The following KLHL1 variants were observed in gnomAD, a reference collection of about 807,000 sequenced individuals.
KLHL1 encodes kelch like family member 1.
KLHL1 carries 47 observed loss-of-function variants against 77.7 expected under a neutral mutation model. The observed-to-expected ratio is 0.60, with a 90% CI of 0.48 to 0.77. The LOEUF is 0.77. Ranked by LOEUF, KLHL1 falls within the 30% of genes least tolerant of loss-of-function variation. KLHL1 has a pLI of 0.00. For missense variants in KLHL1, 925 were observed against 910.8 expected (o/e 1.02, Z -0.20); for synonymous variants, 360 against 325.2 (o/e 1.11, Z -1.15).
intron 4 of KLHL1, among the ~76,000 whole-genome samples, chr13:69,892,371 G>C (rs1409431185): frequency 6.6e-6 from 1 of 152,100 alleles, no homozygotes; most frequent in Non-Finnish European, 1.5e-5. Flanking sequence ...TAATTTTTCT[G>C]AAATGATTTC....
At position 69,839,213 on chromosome 13, in the gene KLHL1, T is replaced by A. The variant is rs757244464; in HGVS notation, c.1228-51A>T. 7 of 1,260,050 alleles carry A rather than the reference T, an allele frequency of 5.6e-6. No homozygotes were observed. The South Asian group carries it at 1.1e-4, about 20-fold the overall frequency. 78.1% of individuals were successfully genotyped at this position (1,260,050 alleles called of 1,614,324 possible). On this transcript the variant is annotated intron_variant, in intron 5 of 10. Transcript: ENST00000377844. ...AATAATGTTTTCAAAGAGATGAACA[T>A]TATGTCATTCCTTAAAACTAGAAGT...
chr13:70,077,656 T>C (rs1887296640), intron 1 of KLHL1, among the ~76,000 whole-genome samples: 1 of 152,004 alleles, frequency 6.6e-6, no homozygotes, highest in Admixed American at 6.6e-5. Flanking sequence ...AAATGATGTG[T>C]TAATAATAGG....
In KLHL1 at chr13:69,742,056, TCA is replaced by T. The variant is rs575707757; in HGVS notation, c.1640-1502_1640-1501del. On this transcript the variant is annotated intron_variant, in intron 7 of 10. Coordinates refer to ENST00000377844, the MANE Select transcript of KLHL1 (RefSeq NM_020866.3). Reference sequence around the variant, plus strand: ...TTTGTTTTAGAAGAGTTGAGTTCAGTCACAGTTTTATCTTCTCTTCCTGATTG... The same window carrying T: ...TTTGTTTTAGAAGAGTTGAGTTCAGTCAGTTTTATCTTCTCTTCCTGATTG... 9.9e-5 allele frequency among the ~76,000 whole-genome samples: 15 copies of T among 152,270 alleles called. No homozygotes were observed. In the East Asian group the frequency reaches 2.9e-3, roughly 29 times the overall value.
At chr13:70,001,663 ATC>A in intron 1 of KLHL1, among the ~76,000 whole-genome samples, 1 of 146,186 alleles carries the variant, frequency 6.8e-6, no homozygotes, top group Admixed American at 6.8e-5. Flanking sequence ...TCTATTATCT[ATC>A]TATCTATCTA....
At chr13:69,962,941 A>G (rs988444535) in intron 2 of KLHL1, among the ~76,000 whole-genome samples, 8 of 152,166 alleles carry the variant, frequency 5.3e-5, no homozygotes, top group African/African-American at 1.9e-4. Flanking sequence ...TATCATTTCC[A>G]TTATTTACTA....
intron 1 of KLHL1, among the ~76,000 whole-genome samples, chr13:70,078,757 T>A (rs957507804): frequency 6.6e-6 from 1 of 152,194 alleles, no homozygotes; most frequent in African/African-American, 2.4e-5. Flanking sequence ...ATGTGGTTTT[T>A]AAAAATTATA....
intron 7 of KLHL1, among the ~76,000 whole-genome samples, chr13:69,755,637 CA>C (rs1165815627): frequency 6.6e-6 from 1 of 151,310 alleles, no homozygotes; most frequent in Non-Finnish European, 1.5e-5. Flanking sequence ...AATTCATCTC[CA>C]AAGTAATTTT....
intron 3 of KLHL1, among the ~76,000 whole-genome samples, chr13:69,955,494 A>G (rs995460444): frequency 2.6e-5 from 4 of 151,140 alleles, no homozygotes; most frequent in African/African-American, 9.7e-5. Flanking sequence ...CTTTATTTAA[A>G]CCTTGTGCTT....
At chr13:69,816,102 T>C (rs1046646527) in intron 6 of KLHL1, among the ~76,000 whole-genome samples, 5 of 151,966 alleles carry the variant, frequency 3.3e-5, no homozygotes, top group African/African-American at 4.8e-5. Flanking sequence ...GCTTTCCTAA[T>C]AATTAAATAA....
chr13:69,711,349 A>G (rs1367799584), intron 9 of KLHL1, among the ~76,000 whole-genome samples: 1 of 152,108 alleles, frequency 6.6e-6, no homozygotes, highest in Non-Finnish European at 1.5e-5. Flanking sequence ...AAATAAATGA[A>G]GGTCCATGCT....
chr13:69,856,452 T>C (rs1047682888), intron 5 of KLHL1, among the ~76,000 whole-genome samples: 3 of 152,050 alleles, frequency 2.0e-5, no homozygotes, highest in African/African-American at 7.2e-5. Context: ...AGTCTTCTAT[T>C]TTCTGCCAGC....
At chr13:70,104,100 T>A (rs964439611) in intron 1 of KLHL1, among the ~76,000 whole-genome samples, 4 of 152,192 alleles carry the variant, frequency 2.6e-5, no homozygotes, top group Non-Finnish European at 5.9e-5. Flanking sequence ...TTTAGTTTAC[T>A]ACATATGGAA....
chr13:70,043,475 C>G (rs1017560879), intron 1 of KLHL1, among the ~76,000 whole-genome samples: 1 of 152,072 alleles, frequency 6.6e-6, no homozygotes, highest in Admixed American at 6.5e-5. Flanking sequence ...TGGTAGTGTA[C>G]AGTAATGTTC....
intron 9 of KLHL1, among the ~76,000 whole-genome samples, chr13:69,708,071 G>T (rs528272739): frequency 2.0e-5 from 3 of 151,936 alleles, no homozygotes; most frequent in East Asian, 3.9e-4. Flanking sequence ...AAAAGTGTCA[G>T]ATATATAAAT....
At chr13:70,055,510 C>CA (rs1466099106) in intron 1 of KLHL1, among the ~76,000 whole-genome samples, 1 of 151,918 alleles carries the variant, frequency 6.6e-6, no homozygotes, top group East Asian at 1.9e-4. Flanking sequence ...AATACACAGA[C>CA]AAATACAAAA....
chr13:69,995,331 G>T (rs1205565485), intron 1 of KLHL1, among the ~76,000 whole-genome samples: 1 of 151,938 alleles, frequency 6.6e-6, no homozygotes, highest in Non-Finnish European at 1.5e-5. Context: ...TGATCATGAG[G>T]TATGAATGTA....
In KLHL1 at chr13:69,783,481, A is replaced by AGGAGCTGAT. The variant is rs1566248334; in HGVS notation, c.1639+13248_1639+13256dup. Among the ~76,000 whole-genome samples, 3 of 152,176 alleles carry AGGAGCTGAT rather than the reference A, an allele frequency of 2.0e-5. No homozygotes were observed. In the South Asian group the frequency reaches 6.2e-4, roughly 31 times the overall value. On this transcript the variant is annotated intron_variant, in intron 7 of 10. Coordinates refer to ENST00000377844, the MANE Select transcript of KLHL1 (RefSeq NM_020866.3). ...ATAACCAAAGCAGAGAAGTCCTTAAAGGAGCTGATGGAGCTGAAAGCCAAG... is the reference window on the plus strand; with the variant it reads ...ATAACCAAAGCAGAGAAGTCCTTAAAGGAGCTGATGGAGCTGATGGAGCTGAAAGCCAAG...
chr13:70,095,210 A>G (rs560076953), intron 1 of KLHL1, among the ~76,000 whole-genome samples: 1 of 152,074 alleles, frequency 6.6e-6, no homozygotes, highest in South Asian at 2.1e-4. Context: ...GGATTTTGAG[A>G]CCCTCTATAA....
rs569404356 is a variant in KLHL1, at chr13:70,029,125, G to T, written c.498-53323C>A. On this transcript the variant is annotated intron_variant, in intron 1 of 10. Transcript: ENST00000377844. Reference sequence around the variant, plus strand: ...TTTGTCACCATTCTGTGTTGAGTGTGTGTATGTGTGTTTGTGGTTGGGGGA... The same window carrying T: ...TTTGTCACCATTCTGTGTTGAGTGTTTGTATGTGTGTTTGTGGTTGGGGGA... 3.3e-4 allele frequency among the ~76,000 whole-genome samples: 50 copies of T among 152,284 alleles called. 1 individual carries two copies. The South Asian group carries it at 0.01, about 32-fold the overall frequency.
Sources: allele counts gnomAD v4.1 joint callset (sites outside exome capture counted in the v4.1 genomes callset), GRCh38; gene constraint gnomAD v4.1.1; transcripts MANE v1.5; gene names NCBI Gene and HGNC (gene_info 2026-07-23, HGNC 2026-07-21).